The following GLB1L3 variants were observed in gnomAD, a reference collection of about 807,000 sequenced individuals.
GLB1L3 encodes the protein beta-galactosidase-1-like protein 3.
In GLB1L3, 89 loss-of-function variants were observed where a neutral mutation model predicts 89.5. The observed-to-expected ratio is 0.99, with a 90% CI of 0.84 to 1.19. The LOEUF is 1.19. GLB1L3 is among the 50% of genes most tolerant of loss of function. GLB1L3 has a pLI of 0.00. For synonymous variants in GLB1L3, 314 were observed against 312.3 expected (o/e 1.01, Z -0.06); for missense variants, 812 against 813.3 (o/e 1.00, Z 0.02).
At chr11:134,318,074 C>G (rs1362025753) in intron 18 of GLB1L3, among the ~76,000 whole-genome samples, 3 of 152,088 alleles carry the variant, frequency 2.0e-5, no homozygotes, top group Non-Finnish European at 4.4e-5. Context: ...TAGCATATAA[C>G]TACTTTATTT....
intron 15 of GLB1L3, 66 bp from the exon 16 acceptor site, chr11:134,313,330 A>G (rs1236158252): frequency 1.5e-6 from 2 of 1,292,426 alleles, no homozygotes; most frequent in Admixed American, 2.0e-5. Flanking sequence ...CTCAGTGAAA[A>G]AACGGGTTGT....
At chr11:134,278,014 C>T in intron 3 of GLB1L3, 102 bp downstream of exon 3, 1 of 1,064,954 alleles carries the variant, frequency 9.4e-7, no homozygotes. Context: ...GAGGACTTAC[C>T]TTCCGCACAG....
At chr11:134,294,488 C>A (rs908146249) in intron 9 of GLB1L3, among the ~76,000 whole-genome samples, 1 of 152,158 alleles carries the variant, frequency 6.6e-6, no homozygotes, top group Non-Finnish European at 1.5e-5. Flanking sequence ...CCTTTTTGTT[C>A]TTTTTTTCTT....
intron 6 of GLB1L3, chr11:134,287,269 G>A (rs1286362807): frequency 1.3e-5 from 2 of 152,250 alleles, no homozygotes; most frequent in Non-Finnish European, 2.9e-5. Context: ...TAATTTACAG[G>A]CATCCCATTG....
At chr11:134,311,949 A>G (rs1033884957) in intron 13 of GLB1L3, 1 of 159,354 alleles carries the variant, frequency 6.3e-6, no homozygotes, top group Non-Finnish European at 1.4e-5. Context: ...GGAGGGCACC[A>G]CCACGCCCAG....
chr11:134,304,963 A>T (rs1942120238), intron 9 of GLB1L3, among the ~76,000 whole-genome samples: 1 of 152,118 alleles, frequency 6.6e-6, no homozygotes, highest in Admixed American at 6.5e-5. Flanking sequence ...TGGCTCAAGG[A>T]CTCAAGAGAA....
At position 134,309,965 on chromosome 11, in the gene GLB1L3, C is replaced by T. The variant is rs143088253; in HGVS notation, c.1099+202C>T. The T allele has an allele frequency of 2.5e-3, 1,499 of 603,658 alleles. 3 individuals are homozygous for T. Among genetic ancestry groups the T allele is most frequent in the Non-Finnish European group, 3.6e-3 (1,253 of 347,554 alleles). 37.4% of individuals were successfully genotyped at this position (603,658 alleles called of 1,614,324 possible). On this transcript the variant is annotated intron_variant, in intron 11 of 19. Coordinates refer to ENST00000431683, the MANE Select transcript of GLB1L3 (RefSeq NM_001080407.3). ...TGTCATTGCAGTAGACAGGGCTTTCCGGGACTTAGAGCTCCGCTTCACACA... is the reference window on the plus strand; with the variant it reads ...TGTCATTGCAGTAGACAGGGCTTTCTGGGACTTAGAGCTCCGCTTCACACA...
chr11:134,285,263 C>T (rs978520606), intron 6 of GLB1L3, among the ~76,000 whole-genome samples: 18 of 152,026 alleles, frequency 1.2e-4, no homozygotes, highest in Admixed American at 2.6e-4. Context: ...AGACCTCATG[C>T]ACTTGATAAG....
rs1262416162 is a variant in GLB1L3 at position 134,309,777 on chromosome 11, G to T, written c.1099+14G>T. 1 of 1,611,786 alleles carries T rather than the reference G, an allele frequency of 6.2e-7. No individual in the cohort carries two copies. Among genetic ancestry groups the T allele is most frequent in the South Asian group, 1.1e-5 (1 of 90,404 alleles). On this transcript the variant is annotated intron_variant, in intron 11 of 19. Transcript: ENST00000431683. The stretch of plus-strand genomic sequence containing the variant: ...TCACCAGCTATGGCAAGTGTCGCTG[G>T]TGTAGTAGCCTCTCCAGCATGGGCG...
chr11:134,314,626 C>T (rs556475986), intron 18 of GLB1L3, among the ~76,000 whole-genome samples, 185 bp downstream of exon 18: 1 of 152,294 alleles, frequency 6.6e-6, no homozygotes, highest in African/African-American at 2.4e-5. Context: ...GAGAATAACA[C>T]ATCAAAGCAC....
intron 10 of GLB1L3, among the ~76,000 whole-genome samples, chr11:134,308,374 CCACCAT>C (rs1478897691): frequency 0.022 from 951 of 43,816 alleles, 133 homozygotes; most frequent in Admixed American, 0.04. Flanking sequence ...ACCACCACCA[CCACCAT>C]CACCACCATC....
chr11:134,321,103 G>A (rs1021441454), downstream of GLB1L3, among the ~76,000 whole-genome samples: 17 of 152,240 alleles, frequency 1.1e-4, no homozygotes, highest in Admixed American at 5.9e-4. Context: ...ATGGACAAAC[G>A]TTAACTCCAT....
In GLB1L3 at chr11:134,276,776, CG is replaced by C; in HGVS notation, c.23+14del. ...CGCCCCTCCTCAGGTGACGGATCGC[CG>C]CTGCCGTCCCGGGCTGCCCACCACC... On this transcript the variant is annotated intron_variant, in intron 1 of 19. Transcript: ENST00000431683. 1 of 1,436,624 alleles carries C rather than the reference CG, an allele frequency of 7.0e-7. No individual in the cohort carries two copies. The highest frequency in any genetic ancestry group is 9.1e-7 in the Non-Finnish European group (1 of 1,095,122). 89.0% of individuals were successfully genotyped at this position (1,436,624 alleles called of 1,614,324 possible). A position where few individuals can be genotyped will look rare whatever the true frequency, so the allele number is the denominator to read the frequency against.
chr11:134,289,607 A>G (rs1272233), intron 7 of GLB1L3, among the ~76,000 whole-genome samples: 69,133 of 152,056 alleles, frequency 0.45, 16,087 homozygotes, highest in Non-Finnish European at 0.49. Flanking sequence ...TCCTGTCTCT[A>G]TGACCCACGA....
intron 6 of GLB1L3, among the ~76,000 whole-genome samples, chr11:134,284,218 C>A (rs1940858845): frequency 6.6e-6 from 1 of 152,056 alleles, no homozygotes; most frequent in South Asian, 2.1e-4. Context: ...CCACCCTGTC[C>A]CAAAGCCATT....
chr11:134,308,563 C>CACCACCACT (rs1942518144), intron 10 of GLB1L3, among the ~76,000 whole-genome samples: 1 of 139,110 alleles, frequency 7.2e-6, no homozygotes, highest in Non-Finnish European at 1.6e-5. Flanking sequence ...CCATCACCAC[C>CACCACCACT]ACCACCACCA....
Position 134,293,164 on chromosome 11 carries a change from G to T in GLB1L3, c.831G>T (p.Leu277Phe), listed in dbSNP as rs768799308. ...HTKGVLAAINLQKLHQDTFNQ... is the reference protein window; with the variant it reads ...HTKGVLAAINFQKLHQDTFNQ... ...ATGCAGTGTTGGCCGCCATCAATTT[G>T]CAAAAACTTCACCAGGATACTTTCA... The change falls in exon 9 of 20, where the codon TTG becomes TTT. Residue 277 changes from leucine (L) to phenylalanine (F), a missense_variant. This residue lies in a region of GLB1L3 where 618 missense variants were observed against 604.0 expected (regional missense o/e 1.02). Coordinates refer to ENST00000431683, the MANE Select transcript of GLB1L3 (RefSeq NM_001080407.3). The T allele has an allele frequency of 9.9e-6, 16 of 1,613,686 alleles. No individual in the cohort carries two copies. The East Asian group carries it at 3.6e-4, about 36-fold the overall frequency.
At chr11:134,308,404 T>TCACCACCACCACCACCACCACCACCAC (rs1334704618) in intron 10 of GLB1L3, among the ~76,000 whole-genome samples, 1 of 32,122 alleles carries the variant, frequency 3.1e-5, no homozygotes, top group Non-Finnish European at 5.6e-5. Flanking sequence ...ACCATCACCA[T>TCACCACCACCACCACCACCACCACCAC]CACCACCACC....
intron 9 of GLB1L3, among the ~76,000 whole-genome samples, chr11:134,297,743 C>G (rs1391504643): frequency 1.3e-5 from 2 of 151,102 alleles, no homozygotes; most frequent in African/African-American, 4.9e-5. Context: ...GCCTGTAATC[C>G]CAGTTACTTG....
Sources: gnomAD v4.1 joint callset for allele counts (sites outside exome capture counted in the v4.1 genomes callset) on GRCh38, gnomAD v4.1.1 for gene constraint, gnomAD v4.1.1 regional missense constraint, MANE v1.5 for transcripts, NCBI Gene and HGNC (gene_info 2026-07-23, HGNC 2026-07-21) for gene names.